The following ZNF385D variants were observed in gnomAD, a reference collection of about 807,000 sequenced individuals.
ZNF385D encodes zinc finger protein 385D.
ZNF385D carries 15 observed loss-of-function variants against 35.8 expected under a neutral mutation model. The ratio of observed to expected loss-of-function variants is 0.42; its 90% CI spans 0.28 to 0.64. The LOEUF is 0.64. ZNF385D is among the 30% of genes least tolerant of loss of function. ZNF385D has a pLI of 0.23. For synonymous variants in ZNF385D, 212 were observed against 186.8 expected (o/e 1.13, Z -1.10); for missense variants, 474 against 494.6 (o/e 0.96, Z 0.39).
At chr3:21,599,551 T>C (rs1367603337) in intron 2 of ZNF385D, among the ~76,000 whole-genome samples, 20 of 152,210 alleles carry the variant, frequency 1.3e-4, no homozygotes. Flanking sequence ...TCGTGATCCA[T>C]AGTATAAACA....
chr3:22,136,586 A>C lies in ZNF385D; in HGVS notation c.325+32231T>G, dbSNP rs140942706. ...AGGGTAGGAAAAATCCAATTTACAA[A>C]CCAGAAAAAGAGTTAAACAGACATT... On this transcript the variant is annotated intron_variant, in intron 3 of 5. Coordinates refer to the ZNF385D transcript ENST00000494108. Among the ~76,000 whole-genome samples the C allele has an allele frequency of 6.8e-4, 104 of 152,300 alleles. No individual in the cohort carries two copies. In the Middle Eastern group the frequency reaches 0.024, roughly 35 times the overall value.
chr3:22,002,623 A>C (rs1232400265), intron 3 of ZNF385D, among the ~76,000 whole-genome samples: 2 of 152,136 alleles, frequency 1.3e-5, no homozygotes, highest in African/African-American at 4.8e-5. Context: ...AGGGCACAAC[A>C]ACAACTACTA....
intron 3 of ZNF385D, among the ~76,000 whole-genome samples, chr3:21,554,121 G>A (rs964547761): frequency 1.1e-4 from 16 of 152,018 alleles, no homozygotes; most frequent in African/African-American, 3.9e-4. Flanking sequence ...AATTTACTTG[G>A]GCAACATCCA....
chr3:21,736,111 T>C (rs184214995), intron 1 of ZNF385D, among the ~76,000 whole-genome samples: 40 of 152,320 alleles, frequency 2.6e-4, no homozygotes, highest in Middle Eastern at 6.8e-3. Context: ...AACTTAACCT[T>C]CTTAAGCTTC....
At chr3:21,811,910 C>T (rs2072936311) in intron 3 of ZNF385D, among the ~76,000 whole-genome samples, 1 of 152,128 alleles carries the variant, frequency 6.6e-6, no homozygotes, top group East Asian at 1.9e-4. Flanking sequence ...ATCCATTGAT[C>T]AATCTTAACA....
chr3:22,370,433 T>C (rs1457687931), intron 2 of ZNF385D, among the ~76,000 whole-genome samples: 4 of 152,228 alleles, frequency 2.6e-5, no homozygotes, highest in African/African-American at 9.6e-5. Context: ...CCGAATTATA[T>C]AAGTGCCACA....
At chr3:21,855,515 A>G (rs1575783641) in intron 3 of ZNF385D, among the ~76,000 whole-genome samples, 1 of 152,026 alleles carries the variant, frequency 6.6e-6, no homozygotes, top group East Asian at 1.9e-4. Context: ...TTGCTTTCCT[A>G]TTTGCAAAGA....
intron 3 of ZNF385D, among the ~76,000 whole-genome samples, chr3:21,886,781 A>G (rs370685664): frequency 6.6e-6 from 1 of 152,294 alleles, no homozygotes; most frequent in East Asian, 1.9e-4. Context: ...TTGACCTCTC[A>G]TAAGAAAATC....
intron 2 of ZNF385D, among the ~76,000 whole-genome samples, chr3:22,190,974 T>G (rs1360055611): frequency 6.6e-6 from 1 of 152,166 alleles, no homozygotes; most frequent in African/African-American, 2.4e-5. Context: ...TTTTTCTCCC[T>G]TAAATTACAT....
At chr3:21,735,914 G>T (rs9839117) in intron 1 of ZNF385D, among the ~76,000 whole-genome samples, 2,536 of 152,296 alleles carry the variant, frequency 0.017, 78 homozygotes, top group African/African-American at 0.058. Context: ...GGGAAAATGA[G>T]CACCTCTACT....
At chr3:22,043,864 G>T (rs955182673) in intron 3 of ZNF385D, among the ~76,000 whole-genome samples, 1 of 152,186 alleles carries the variant, frequency 6.6e-6, no homozygotes, top group African/African-American at 2.4e-5. Context: ...CTTTGATAAG[G>T]CTGGCTTCCC....
At chr3:21,841,953 C>T (rs1016715732) in intron 3 of ZNF385D, among the ~76,000 whole-genome samples, 5 of 151,264 alleles carry the variant, frequency 3.3e-5, no homozygotes, top group African/African-American at 1.2e-4. Context: ...TACACACATA[C>T]ACAAACACAC....
chr3:21,550,554 C>T lies in ZNF385D; in HGVS notation c.276+14020G>A, dbSNP rs1029469341. Among the ~76,000 whole-genome samples the T allele has an allele frequency of 7.9e-5, 12 of 152,262 alleles. No individual in the cohort carries two copies. In the South Asian group the frequency reaches 2.3e-3, roughly 29 times the overall value. ...CTGGAGTGCAGTGGTGTGATCTTGG[C>T]TTACTGCAACCTCCGCCTGCCAGGT... On this transcript the variant is annotated intron_variant, in intron 3 of 7. Coordinates refer to ENST00000281523, the MANE Select transcript of ZNF385D (RefSeq NM_024697.3).
chr3:22,090,720 A>G (rs886302392), intron 3 of ZNF385D, among the ~76,000 whole-genome samples: 1 of 152,162 alleles, frequency 6.6e-6, no homozygotes, highest in African/African-American at 2.4e-5. Context: ...AGATCTTGAT[A>G]CTTGGAAGGG....
chr3:21,751,671 G>T (rs1320822309), upstream of ZNF385D, among the ~76,000 whole-genome samples: 2 of 152,052 alleles, frequency 1.3e-5, no homozygotes, highest in Non-Finnish European at 2.9e-5. Flanking sequence ...GGAACGCCAG[G>T]GACCACTGCT....
intron 4 of ZNF385D, among the ~76,000 whole-genome samples, chr3:21,437,838 A>C (rs1701649139): frequency 1.3e-5 from 2 of 152,120 alleles, no homozygotes; most frequent in South Asian, 4.1e-4. Flanking sequence ...TAAAAGAAGA[A>C]GAAGACTAGT....
chr3:21,715,072 T>C (rs1251168325), intron 1 of ZNF385D, among the ~76,000 whole-genome samples: 1 of 152,038 alleles, frequency 6.6e-6, no homozygotes, highest in African/African-American at 2.4e-5. Context: ...TCTTACATAT[T>C]TGCTATTTTT....
intron 2 of ZNF385D, among the ~76,000 whole-genome samples, chr3:22,336,909 C>T (rs1401406232): frequency 1.0e-4 from 5 of 47,952 alleles, no homozygotes; most frequent in African/African-American, 3.2e-4. Context: ...AGTGATTTTT[C>T]AAAAAAAAAA....
chr3:22,068,374 A>G (rs1700066397), intron 3 of ZNF385D, among the ~76,000 whole-genome samples: 1 of 152,170 alleles, frequency 6.6e-6, no homozygotes, highest in Admixed American at 6.5e-5. Flanking sequence ...ATGAGCATTA[A>G]AACCCGAGAT....
Sources: gnomAD v4.1 joint callset for allele counts (sites outside exome capture counted in the v4.1 genomes callset) on GRCh38, gnomAD v4.1.1 for gene constraint, MANE v1.5 for transcripts, NCBI Gene and HGNC (gene_info 2026-07-23, HGNC 2026-07-21) for gene names.